WWOX: variants seen among roughly 807,000 people sequenced by gnomAD.
WWOX encodes the protein WW domain-containing oxidoreductase.
In WWOX, 69 loss-of-function variants were observed where a neutral mutation model predicts 46.2. That is an observed-to-expected ratio of 1.49 (90% CI 1.23 to 1.82). The LOEUF (loss-of-function observed/expected upper bound fraction) is 1.82. Among genes scored for constraint, WWOX ranks in the 40% most tolerant of loss-of-function variants. The probability of loss-of-function intolerance (pLI) is 0.00; values close to 1 mark genes in which losing one functional copy is unlikely to be tolerated. For missense variants in WWOX, 919 were observed against 542.6 expected, an observed-to-expected ratio of 1.69 and a Z score of -6.89; for synonymous variants, 359 against 202.6, an observed-to-expected ratio of 1.77 and a Z score of -6.56.
intron 8 of WWOX, among the ~76,000 whole-genome samples, chr16:79,201,213 G>T (rs1007161431): frequency 6.6e-6 from 1 of 152,128 alleles, no homozygotes; most frequent in African/African-American, 2.4e-5. Context: ...AAAATACCTG[G>T]ATCTATCTTC....
At chr16:78,716,441 T>C (rs531537069) in intron 8 of WWOX, among the ~76,000 whole-genome samples, 147 of 152,276 alleles carry the variant, frequency 9.7e-4, no homozygotes, top group Non-Finnish European at 1.6e-3. Flanking sequence ...GGATGAATGC[T>C]CCTGCCAAAT....
chr16:79,162,736 G>A (rs967340042), intron 8 of WWOX, among the ~76,000 whole-genome samples: 10 of 152,174 alleles, frequency 6.6e-5, no homozygotes, highest in African/African-American at 2.4e-4. Context: ...CAAGAATTGA[G>A]ACAAAAGGGC....
intron 8 of WWOX, chr16:78,996,388 C>CCCA: frequency 1.2e-6 from 1 of 866,304 alleles, no homozygotes; most frequent in Non-Finnish European, 1.3e-6. Flanking sequence ...CCCCGCCCCC[C>CCCA]AGCTTCCCCA....
chr16:78,615,546 T>C (rs1397560627), intron 8 of WWOX, among the ~76,000 whole-genome samples: 1 of 151,910 alleles, frequency 6.6e-6, no homozygotes, highest in East Asian at 1.9e-4. Flanking sequence ...TGCTTGGGAC[T>C]ACTAGAAAGG....
chr16:78,546,346 G>A (rs116192719), intron 8 of WWOX, among the ~76,000 whole-genome samples: 1 of 152,042 alleles, frequency 6.6e-6, no homozygotes, highest in Non-Finnish European at 1.5e-5. Context: ...AGTGTGATCA[G>A]AACTTTAAGG....
chr16:78,647,274 G>C (rs578061404), intron 8 of WWOX, among the ~76,000 whole-genome samples: 167 of 152,250 alleles, frequency 1.1e-3, no homozygotes, highest in African/African-American at 3.9e-3. Flanking sequence ...AAATCCAAAT[G>C]CTTTACAGGA....
At chr16:78,400,563 T>C (rs2082388668) in intron 6 of WWOX, among the ~76,000 whole-genome samples, 1 of 152,136 alleles carries the variant, frequency 6.6e-6, no homozygotes. Context: ...TGGTTTACAA[T>C]TTTATTTCCC....
intron 8 of WWOX, among the ~76,000 whole-genome samples, chr16:78,523,267 G>C (rs2043388176): frequency 1.3e-5 from 2 of 152,156 alleles, no homozygotes; most frequent in Admixed American, 1.3e-4. Context: ...ATTTTTCATA[G>C]TGTTTAATAT....
At chr16:78,596,141 A>T (rs77486319) in intron 8 of WWOX, among the ~76,000 whole-genome samples, 3,401 of 152,216 alleles carry the variant, frequency 0.022, 102 homozygotes, top group East Asian at 0.14. Flanking sequence ...TTTAATGTGA[A>T]AGAATATAAA....
At chr16:78,825,069 C>G (rs557150748) in intron 8 of WWOX, among the ~76,000 whole-genome samples, 4 of 152,258 alleles carry the variant, frequency 2.6e-5, no homozygotes, top group African/African-American at 9.6e-5. Flanking sequence ...AATGGTAATA[C>G]TCATGAACAA....
At chr16:78,296,475 C>G (rs1294249838) in intron 5 of WWOX, among the ~76,000 whole-genome samples, 1 of 150,922 alleles carries the variant, frequency 6.6e-6, no homozygotes, top group Non-Finnish European at 1.5e-5. Context: ...ATATTGTTTT[C>G]TAATACATGA....
intron 6 of WWOX, among the ~76,000 whole-genome samples, chr16:78,406,434 C>T (rs2082547782): frequency 6.8e-6 from 1 of 146,780 alleles, no homozygotes; most frequent in Non-Finnish European, 1.5e-5. Context: ...CTCACTGTAA[C>T]CTCCGCCGCC....
intron 5 of WWOX, among the ~76,000 whole-genome samples, chr16:78,203,238 G>A (rs1241765654): frequency 6.6e-6 from 1 of 152,102 alleles, no homozygotes; most frequent in Non-Finnish European, 1.5e-5. Flanking sequence ...AAAATCAAGA[G>A]ACCCACCTTT....
At chr16:79,091,023 G>A (rs1192178737) in intron 8 of WWOX, among the ~76,000 whole-genome samples, 1 of 151,986 alleles carries the variant, frequency 6.6e-6, no homozygotes, top group Non-Finnish European at 1.5e-5. Flanking sequence ...CCTGACCTCA[G>A]GTGATCCACC....
At chr16:78,851,158 G>C (rs866885940) in intron 8 of WWOX, among the ~76,000 whole-genome samples, 1 of 152,118 alleles carries the variant, frequency 6.6e-6, no homozygotes, top group East Asian at 1.9e-4. Flanking sequence ...CCTCAAACTT[G>C]CTCATTCAGA....
At chr16:78,151,114 T>C (rs1389180800) in intron 4 of WWOX, among the ~76,000 whole-genome samples, 2 of 151,372 alleles carry the variant, frequency 1.3e-5, no homozygotes, top group African/African-American at 4.9e-5. Flanking sequence ...TGGGTTTAAG[T>C]GATCCTCTTG....
chr16:78,498,608 CAAG>C lies in WWOX; in HGVS notation c.1056+65859_1056+65861del, dbSNP rs145695772. ...CACAAGGATTGGGAGATGTTCATGGCAAGAAAAATTCAGAAGGGACATTGTTGT... is the reference window on the plus strand; with the variant it reads ...CACAAGGATTGGGAGATGTTCATGGCAAAAATTCAGAAGGGACATTGTTGT... On this transcript the variant is annotated intron_variant, in intron 8 of 8. Transcript: ENST00000566780. Among the ~76,000 whole-genome samples the C allele has an allele frequency of 5.1e-3, 774 of 152,270 alleles. 49 individuals are homozygous for C. In the East Asian group the frequency reaches 0.12, roughly 23 times the overall value.
chr16:78,867,864 T>C (rs1009603015), intron 8 of WWOX, among the ~76,000 whole-genome samples: 5 of 152,164 alleles, frequency 3.3e-5, no homozygotes, highest in African/African-American at 1.2e-4. Context: ...CTAGCTTAGC[T>C]CTAACCAGAA....
At chr16:78,868,125 C>G (rs2044046602) in intron 8 of WWOX, among the ~76,000 whole-genome samples, 2 of 152,092 alleles carry the variant, frequency 1.3e-5, no homozygotes, top group Non-Finnish European at 2.9e-5. Flanking sequence ...CCGGAAATAC[C>G]CAAATGTCCA....
Sources: allele counts gnomAD v4.1 joint callset (sites outside exome capture counted in the v4.1 genomes callset), GRCh38; gene constraint gnomAD v4.1.1; transcripts MANE v1.5; gene names NCBI Gene and HGNC (gene_info 2026-07-23, HGNC 2026-07-21).